The following CPZ variants were observed in gnomAD, a reference collection of about 807,000 sequenced individuals.
CPZ encodes the protein VEZT/CPZ fusion.
In CPZ, 103 loss-of-function variants were observed where a neutral mutation model predicts 61.8. The ratio of observed to expected loss-of-function variants is 1.67; its 90% confidence interval spans 1.42 to 1.96. The LOEUF (loss-of-function observed/expected upper bound fraction) is 1.96. Ranked by LOEUF, CPZ falls within the 30% of genes most tolerant of loss-of-function variation. CPZ has a pLI of 0.00. For missense variants in CPZ, 1,461 were observed against 914.9 expected (o/e 1.60, Z -7.70); for synonymous variants, 551 against 373.7 (o/e 1.47, Z -5.47).
intron 1 of CPZ, among the ~76,000 whole-genome samples, chr4:8,594,378 C>T (rs1714025578): frequency 6.6e-6 from 1 of 152,224 alleles, no homozygotes; most frequent in Non-Finnish European, 1.5e-5. Flanking sequence ...CTCTCTGCCT[C>T]ACCCTTCCCT....
At chr4:8,596,320 G>A (rs1714175488) in intron 1 of CPZ, among the ~76,000 whole-genome samples, 1 of 152,242 alleles carries the variant, frequency 6.6e-6, no homozygotes, top group Non-Finnish European at 1.5e-5. Flanking sequence ...AAAGTGCTGG[G>A]ATTACAGGTG....
chr4:8,618,654 A>C (rs1490827329), intron 10 of CPZ, 126 bp downstream of exon 10: 13 of 864,716 alleles, frequency 1.5e-5, no homozygotes, highest in Non-Finnish European at 2.2e-5. Context: ...ATTCCTCCCC[A>C]GGCTGGCTGG....
At chr4:8,601,667 C>T (rs1714587315) in intron 3 of CPZ, among the ~76,000 whole-genome samples, 170 bp downstream of exon 3, 2 of 152,180 alleles carry the variant, frequency 1.3e-5, no homozygotes. Flanking sequence ...AAAAGGGTGC[C>T]AGGCAGGGTC....
chr4:8,619,506 C>T lies in CPZ; in HGVS notation c.1848C>T (p.Pro616=), dbSNP rs1367257037. The T allele has an allele frequency of 2.4e-5, 38 of 1,601,824 alleles. No individual in the cohort carries two copies. Among genetic ancestry groups the T allele is most frequent in the Non-Finnish European group, 3.1e-5 (36 of 1,172,630 alleles). Residue 616 remains proline, a synonymous_variant, in exon 11 of 11, where the codon CCC becomes CCT. Transcript: ENST00000360986. ...GASSLGEATE[P]DPLRARRQPS... ...GCTCTTTGGGGGAGGCCACGGAGCC[C>T]GACCCGCTCCGGGCGCGCAGGCAGC...
At chr4:8,618,292 G>T in intron 9 of CPZ, 137 bp from the exon 10 acceptor site, 2 of 710,832 alleles carry the variant, frequency 2.8e-6, no homozygotes, top group Non-Finnish European at 2.4e-6. Flanking sequence ...CAGAGCGAGG[G>T]CTGGCAGAGT....
Position 8,612,111 on chromosome 4 carries a change from C to A in CPZ, c.1312C>A (p.Leu438Met), listed in dbSNP as rs776748971. The A allele has an allele frequency of 6.2e-7, 1 of 1,609,250 alleles. No individual in the cohort carries two copies. The highest frequency in any genetic ancestry group is 8.5e-7 in the Non-Finnish European group (1 of 1,178,016). Residue 438 changes from leucine (L) to methionine (M), a missense_variant, in exon 8 of 11, where the codon CTG becomes ATG. By Grantham distance (15) the Leu-to-Met change is conservative. Coordinates refer to ENST00000360986, the MANE Select transcript of CPZ (RefSeq NM_001014447.3). Reference sequence around the variant, plus strand: ...GGAGAATAGGTGTGGAGGCAATTTCCTGAAGAGGGGGAGCATCATCAACGG... The same window carrying A: ...GGAGAATAGGTGTGGAGGCAATTTCATGAAGAGGGGGAGCATCATCAACGG... ...RSENRCGGNF[L>M]KRGSIINGAD...
chr4:8,618,297 C>A, intron 9 of CPZ, 132 bp from the exon 10 acceptor site: 2 of 744,298 alleles, frequency 2.7e-6, no homozygotes, highest in South Asian at 1.7e-5. Flanking sequence ...CGAGGGCTGG[C>A]AGAGTGGGGC....
intron 2 of CPZ, 52 bp from the exon 3 acceptor site, chr4:8,601,071 G>C (rs2241069): frequency 0.55 from 838,853 of 1,514,324 alleles, 234,833 homozygotes; most frequent in South Asian, 0.69. Flanking sequence ...TCTGATGCGT[G>C]ACGGTCAGGG....
chr4:8,612,532 G>A (rs1348747237), intron 8 of CPZ, among the ~76,000 whole-genome samples: 2 of 152,200 alleles, frequency 1.3e-5, no homozygotes, highest in Admixed American at 6.5e-5. Flanking sequence ...ATTGTTTTTA[G>A]GACAATGTAA....
Position 8,619,714 on chromosome 4 carries a change from A to C in CPZ, c.*97A>C. 6 of 885,782 alleles carry C rather than the reference A, an allele frequency of 6.8e-6. No individual in the cohort carries two copies. The highest frequency in any genetic ancestry group is 9.8e-6 in the Non-Finnish European group (6 of 614,718). 54.9% of individuals were successfully genotyped at this position (885,782 alleles called of 1,614,324 possible). On this transcript the variant is annotated 3_prime_UTR_variant, in exon 11 of 11. Coordinates refer to ENST00000360986, the MANE Select transcript of CPZ (RefSeq NM_001014447.3). The stretch of plus-strand genomic sequence containing the variant: ...TTTTGTCTGCCACAGACATCCCACA[A>C]AGCCGCTGCCATTTTATTAAAGTGT...
rs1560298121 is a variant in CPZ, at chr4:8,609,191, C to CTCACTCCCTGATTCACTTACTCAT, written c.1227+1775_1227+1776insGATTCACTTACTCATTCACTCCCT. 3.2e-5 allele frequency among the ~76,000 whole-genome samples: 4 copies of CTCACTCCCTGATTCACTTACTCAT among 123,684 alleles called. No homozygotes were observed. In the East Asian group the frequency reaches 9.3e-4, roughly 29 times the overall value. The allele number at this position is 123,684 out of a possible 152,430, so 81.1% of individuals were successfully genotyped here. On this transcript the variant is annotated intron_variant, in intron 7 of 10. Transcript: ENST00000360986. ...ACTCACCCATTCACTCAGGCATTCA[C>CTCACTCCCTGATTCACTTACTCAT]TCACTCCCTCACTCACTTACTCATT... is the stretch of plus-strand genomic sequence containing the variant.
chr4:8,594,214 C>A (rs1714008157), intron 1 of CPZ, among the ~76,000 whole-genome samples: 1 of 152,200 alleles, frequency 6.6e-6, no homozygotes, highest in African/African-American at 2.4e-5. Context: ...TCCAGTCTCC[C>A]CTCTTATGGA....
rs1714562280 is a variant in CPZ at position 8,601,360 on chromosome 4, A to T, written c.359A>T (p.His120Leu). Residue 120 changes from histidine (H) to leucine (L), a missense_variant, in exon 3 of 11, where the codon CAC becomes CTC. Physicochemically the swap from His to Leu is moderately conservative, Grantham distance 99. Coordinates refer to ENST00000360986, the MANE Select transcript of CPZ (RefSeq NM_001014447.3). Reference sequence around the variant, plus strand: ...GGCTGGGTGCGCAGACCCTGCCGGCACATCTGCGAGGGCCTGCGGGAGGTC... The same window carrying T: ...GGCTGGGTGCGCAGACCCTGCCGGCTCATCTGCGAGGGCCTGCGGGAGGTC... The part of the protein sequence containing the change: ...EGGWVRRPCR[H>L]ICEGLREVCQ... The T allele has an allele frequency of 6.2e-7, 1 of 1,603,268 alleles. No individual in the cohort carries two copies.
chr4:8,619,714 A>G lies in CPZ; in HGVS notation c.*97A>G, dbSNP rs887493260. On this transcript the variant is annotated 3_prime_UTR_variant, in exon 11 of 11. Transcript: ENST00000360986. ...TTTTGTCTGCCACAGACATCCCACA[A>G]AGCCGCTGCCATTTTATTAAAGTGT... 2 of 885,668 alleles carry G rather than the reference A, an allele frequency of 2.3e-6. No homozygotes were observed. The highest frequency in any genetic ancestry group is 1.7e-5 in the African/African-American group (1 of 58,480). 54.9% of individuals were successfully genotyped at this position (885,668 alleles called of 1,614,324 possible). A position where few individuals can be genotyped will look rare whatever the true frequency, so the allele number is the denominator to read the frequency against.
Position 8,601,105 on chromosome 4 carries a change from C to T in CPZ, c.122-18C>T. On this transcript the variant is annotated intron_variant, in intron 2 of 10. Transcript: ENST00000360986. ...GGCCACTGCAGGAGGGACTGACCTG[C>T]CGACCCTGCCTCCCCAGCCACCTGC... The T allele has an allele frequency of 6.4e-7, 1 of 1,553,938 alleles. No individual in the cohort carries two copies. Among genetic ancestry groups the T allele is most frequent in the South Asian group, 1.2e-5 (1 of 81,376 alleles).
Position 8,619,362 on chromosome 4 carries a change from C to G in CPZ, c.1704C>G (p.Pro568=), listed in dbSNP as rs34486568. The G allele has an allele frequency of 1.9e-6, 3 of 1,614,192 alleles. No individual in the cohort carries two copies. Among genetic ancestry groups the G allele is most frequent in the Non-Finnish European group, 2.5e-6 (3 of 1,180,022 alleles). Residue 568 remains proline (P), a synonymous_variant, in exon 11 of 11, where the codon CCC becomes CCG. Coordinates refer to ENST00000360986, the MANE Select transcript of CPZ (RefSeq NM_001014447.3). ...AAGTCATCAAGAAAGTCATCATCCCCGCCCGGATGAAGAGGGCTGGCCGTG... is the reference window on the plus strand; with the variant it reads ...AAGTCATCAAGAAAGTCATCATCCCGGCCCGGATGAAGAGGGCTGGCCGTG... The part of the protein sequence containing the change: ...YAKVIKKVII[P]ARMKRAGRVD...
chr4:8,593,770 A>G (rs9994640), intron 1 of CPZ, among the ~76,000 whole-genome samples: 57,275 of 152,070 alleles, frequency 0.38, 11,720 homozygotes, highest in African/African-American at 0.52. Flanking sequence ...CCAGGACCAC[A>G]ATACCCCACC....
chr4:8,609,043 A>ACTCACTCACCCATTCG (rs1560297595), intron 7 of CPZ, among the ~76,000 whole-genome samples: 17 of 141,722 alleles, frequency 1.2e-4, no homozygotes, highest in African/African-American at 3.6e-4. Flanking sequence ...TCACCCATTC[A>ACTCACTCACCCATTCG]CTCCCTCCCT....
chr4:8,601,537 C>A, intron 3 of CPZ, 40 bp downstream of exon 3: 1 of 1,429,062 alleles, frequency 7.0e-7, no homozygotes, highest in East Asian at 2.5e-5. Flanking sequence ...TCATGGGGTC[C>A]AGGTGGTCAA....
Sources: gnomAD v4.1 joint callset for allele counts (sites outside exome capture counted in the v4.1 genomes callset) on GRCh38, gnomAD v4.1.1 for gene constraint, MANE v1.5 for transcripts, NCBI Gene and HGNC (gene_info 2026-07-23, HGNC 2026-07-21) for gene names.